Variants in EPHA3 observed in about 807,000 individuals in gnomAD.
EPHA3 encodes EPH receptor A3.
A neutral mutation model predicts 107.1 loss-of-function variants in EPHA3; 42 were observed. That is an observed-to-expected ratio of 0.39 (90% confidence interval 0.31 to 0.51). The LOEUF (loss-of-function observed/expected upper bound fraction) is 0.51. EPHA3 is among the 20% of genes least tolerant of loss of function. The pLI is 0.78. For missense variants in EPHA3, 1,183 were observed against 1,211.2 expected (o/e 0.98, Z 0.35); for synonymous variants, 461 against 424.8 (o/e 1.09, Z -1.05).
intron 3 of EPHA3, among the ~76,000 whole-genome samples, chr3:89,303,618 C>A (rs544638547): frequency 6.6e-6 from 1 of 152,100 alleles, no homozygotes; most frequent in South Asian, 2.1e-4. Flanking sequence ...ATGAAAGAGG[C>A]AATTTAGTCC....
chr3:89,316,086 A>T (rs748661534), intron 3 of EPHA3, among the ~76,000 whole-genome samples: 2 of 151,832 alleles, frequency 1.3e-5, no homozygotes, highest in Non-Finnish European at 2.9e-5. Flanking sequence ...AAGTTGCCAT[A>T]ACCCACAGCT....
intron 2 of EPHA3, among the ~76,000 whole-genome samples, chr3:89,154,123 A>G (rs1013136623): frequency 2.0e-5 from 3 of 151,810 alleles, no homozygotes; most frequent in African/African-American, 7.3e-5. Flanking sequence ...AATTGCATTT[A>G]CTGTTTTTAT....
intron 7 of EPHA3, among the ~76,000 whole-genome samples, chr3:89,403,386 A>G (rs182071253): frequency 2.8e-4 from 42 of 152,276 alleles, no homozygotes; most frequent in African/African-American, 9.6e-4. Context: ...ATGATCCAAG[A>G]TACAGATTTT....
At chr3:89,392,051 C>A (rs533015987) in intron 5 of EPHA3, among the ~76,000 whole-genome samples, 2 of 152,088 alleles carry the variant, frequency 1.3e-5, no homozygotes, top group Non-Finnish European at 2.9e-5. Flanking sequence ...AATGCCTGCA[C>A]CAGTTTCTCA....
chr3:89,324,200 C>T (rs1707111682), intron 3 of EPHA3, among the ~76,000 whole-genome samples: 1 of 140,684 alleles, frequency 7.1e-6, no homozygotes, highest in Non-Finnish European at 1.5e-5. Context: ...CAACATCTCA[C>T]TCTGTCACCC....
chr3:89,159,658 A>C (rs1704885063), intron 2 of EPHA3, among the ~76,000 whole-genome samples: 1 of 152,144 alleles, frequency 6.6e-6, no homozygotes. Context: ...TGTGTATCTA[A>C]ATATAGGAAA....
chr3:89,109,025 A>C (rs1707037964), intron 1 of EPHA3, among the ~76,000 whole-genome samples: 1 of 152,168 alleles, frequency 6.6e-6, no homozygotes, highest in Non-Finnish European at 1.5e-5. Flanking sequence ...ACGAGTAAAA[A>C]CAAAATACTT....
intron 2 of EPHA3, among the ~76,000 whole-genome samples, chr3:89,196,539 C>T (rs1000816051): frequency 6.6e-6 from 1 of 151,384 alleles, no homozygotes; most frequent in African/African-American, 2.4e-5. Flanking sequence ...GAAAGATCAA[C>T]TTCATCTCTC....
At chr3:89,175,030 C>A (rs1705288592) in intron 2 of EPHA3, among the ~76,000 whole-genome samples, 1 of 149,534 alleles carries the variant, frequency 6.7e-6, no homozygotes, top group Non-Finnish European at 1.5e-5. Flanking sequence ...CTTCAAAAAT[C>A]TGGTAACAAT....
At chr3:89,239,211 A>G (rs1704837949) in intron 3 of EPHA3, among the ~76,000 whole-genome samples, 1 of 152,214 alleles carries the variant, frequency 6.6e-6, no homozygotes, top group Non-Finnish European at 1.5e-5. Context: ...TCCTCACTCA[A>G]AGAAGATTGC....
At chr3:89,302,184 C>G (rs776977314) in intron 3 of EPHA3, among the ~76,000 whole-genome samples, 3 of 152,180 alleles carry the variant, frequency 2.0e-5, no homozygotes, top group Non-Finnish European at 4.4e-5. Flanking sequence ...AAGTTGTCAT[C>G]TGTCATTGAA....
At chr3:89,319,633 C>G (rs1254323815) in intron 3 of EPHA3, among the ~76,000 whole-genome samples, 3 of 151,940 alleles carry the variant, frequency 2.0e-5, no homozygotes, top group Non-Finnish European at 4.4e-5. Flanking sequence ...AAAACCCTAT[C>G]TAGAGGAAGG....
Position 89,249,146 on chromosome 3 carries a change from G to A in EPHA3, c.814+38626G>A, listed in dbSNP as rs180823665. On this transcript the variant is annotated intron_variant, in intron 3 of 16. Transcript: ENST00000336596. ...TAAGAATTGTGTTGCTTCTTCATTT[G>A]CCTATTGCCTTTGCCATGGAGAGCT... 1.0e-3 allele frequency among the ~76,000 whole-genome samples: 152 copies of A among 152,238 alleles called. 1 individual carries two copies. The highest frequency in any genetic ancestry group is 6.8e-3 in the Middle Eastern group (2 of 292).
At chr3:89,130,069 G>T (rs1704173735) in intron 2 of EPHA3, among the ~76,000 whole-genome samples, 1 of 152,076 alleles carries the variant, frequency 6.6e-6, no homozygotes, top group Non-Finnish European at 1.5e-5. Flanking sequence ...AGGGAAGAGG[G>T]AATTTTTATT....
At chr3:89,385,279 T>C (rs1027745900) in intron 5 of EPHA3, among the ~76,000 whole-genome samples, 6 of 152,172 alleles carry the variant, frequency 3.9e-5, no homozygotes, top group African/African-American at 1.4e-4. Context: ...TAACCTCTTA[T>C]ATGGTTTGAC....
At chr3:89,285,314 C>G (rs35176045) in intron 3 of EPHA3, among the ~76,000 whole-genome samples, 1 of 151,814 alleles carries the variant, frequency 6.6e-6, no homozygotes, top group Non-Finnish European at 1.5e-5. Context: ...CTTTCATTTA[C>G]TCAGTAAATA....
At chr3:89,345,560 T>C (rs1437211169) in intron 5 of EPHA3, among the ~76,000 whole-genome samples, 1 of 150,942 alleles carries the variant, frequency 6.6e-6, no homozygotes, top group South Asian at 2.1e-4. Flanking sequence ...CTGAACCACT[T>C]GCAGATATTA....
At chr3:89,356,854 C>G (rs1360077473) in intron 5 of EPHA3, among the ~76,000 whole-genome samples, 1 of 150,072 alleles carries the variant, frequency 6.7e-6, no homozygotes, top group East Asian at 2.0e-4. Context: ...AAAGGACAAC[C>G]AACACTTTGG....
intron 1 of EPHA3, among the ~76,000 whole-genome samples, chr3:89,118,785 G>A (rs940681496): frequency 6.6e-6 from 1 of 151,778 alleles, no homozygotes; most frequent in African/African-American, 2.4e-5. Context: ...ATATCTGCTA[G>A]GGAGTGGAAT....
Sources: allele counts gnomAD v4.1 joint callset (sites outside exome capture counted in the v4.1 genomes callset), GRCh38; gene constraint gnomAD v4.1.1; transcripts MANE v1.5; gene names NCBI Gene and HGNC (gene_info 2026-07-23, HGNC 2026-07-21).